The following SCLT1 variants were observed in gnomAD, a reference collection of about 807,000 sequenced individuals.
The protein encoded by SCLT1 is sodium channel and clathrin linker 1.
Under a neutral mutation model 112.8 loss-of-function variants are expected in SCLT1, and 78 were observed. That is an observed-to-expected ratio of 0.69 (90% CI 0.58 to 0.83). The LOEUF is 0.83. Among genes scored for constraint, SCLT1 ranks in the 40% least tolerant of loss-of-function variants. The probability of loss-of-function intolerance (pLI) is 0.00; values close to 1 mark genes in which losing one functional copy is unlikely to be tolerated. For missense variants in SCLT1, 747 were observed against 770.4 expected (o/e 0.97, Z 0.36); for synonymous variants, 257 against 254.7 (o/e 1.01, Z -0.09).
chr4:128,918,711 C>T lies in SCLT1; in HGVS notation c.1829+17944G>A, dbSNP rs537317774. On this transcript the variant is annotated intron_variant, in intron 18 of 20. Transcript: ENST00000281142. Reference sequence around the variant, plus strand: ...AACCCATCTCACATGCAAACATACCCGTAGGCTCAAAATAAAGGAAAAGAG... The same window carrying T: ...AACCCATCTCACATGCAAACATACCTGTAGGCTCAAAATAAAGGAAAAGAG... Among the ~76,000 whole-genome samples, 20 of 152,042 alleles carry T rather than the reference C, an allele frequency of 1.3e-4. 2 individuals are homozygous for T. The highest frequency in any genetic ancestry group is 4.6e-4 in the Admixed American group (7 of 15,248).
At chr4:128,896,614 T>C (rs1028485912) in intron 18 of SCLT1, among the ~76,000 whole-genome samples, 15 of 152,078 alleles carry the variant, frequency 9.9e-5, no homozygotes, top group African/African-American at 3.6e-4. Context: ...AAAATCAGAG[T>C]GCCTCTTCTC....
At chr4:128,903,346 AC>A (rs1217181497) in intron 18 of SCLT1, among the ~76,000 whole-genome samples, 6 of 152,070 alleles carry the variant, frequency 3.9e-5, no homozygotes, top group African/African-American at 1.4e-4. Flanking sequence ...TTATCAGAAC[AC>A]TATTATATAT....
At chr4:129,026,190 C>A (rs1299338144) in intron 5 of SCLT1, among the ~76,000 whole-genome samples, 5 of 151,818 alleles carry the variant, frequency 3.3e-5, no homozygotes, top group Middle Eastern at 3.4e-3. Context: ...CAGCTCTGCA[C>A]CAAGCAGACC....
At chr4:128,981,881 A>G (rs1333469378) in intron 9 of SCLT1, among the ~76,000 whole-genome samples, 1 of 152,210 alleles carries the variant, frequency 6.6e-6, no homozygotes, top group Non-Finnish European at 1.5e-5. Context: ...TTTGGATTAT[A>G]TCCTATAGGC....
intron 18 of SCLT1, among the ~76,000 whole-genome samples, chr4:128,901,536 G>T (rs1009553779): frequency 1.4e-4 from 21 of 151,740 alleles, no homozygotes; most frequent in Admixed American, 4.6e-4. Context: ...TGGTGGGGGG[G>T]GGGAGGGATA....
intron 5 of SCLT1, among the ~76,000 whole-genome samples, chr4:129,030,963 A>T (rs937885332): frequency 2.0e-5 from 3 of 152,112 alleles, no homozygotes; most frequent in African/African-American, 7.2e-5. Flanking sequence ...ACTCCTCCCT[A>T]ACTCATTTTA....
intron 5 of SCLT1, among the ~76,000 whole-genome samples, chr4:129,006,732 A>C (rs541853728): frequency 4.6e-5 from 7 of 152,050 alleles, no homozygotes; most frequent in Non-Finnish European, 8.8e-5. Flanking sequence ...ATAGATGTCC[A>C]ATCTTGCGTT....
At chr4:129,056,976 T>C (rs1333293955) in intron 2 of SCLT1, among the ~76,000 whole-genome samples, 1 of 152,236 alleles carries the variant, frequency 6.6e-6, no homozygotes, top group Admixed American at 6.5e-5. Flanking sequence ...GTTTGTCATA[T>C]ATGGTCTTAA....
At position 129,027,115 on chromosome 4, in the gene SCLT1, C is replaced by A. The variant is rs1682081930; in HGVS notation, c.290+11926G>T. ...AGATGGATTCACAGCCGAATTCTAC[C>A]AGAGGTACAAGGAGGAACTGGTACC... is the stretch of plus-strand genomic sequence containing the variant. On this transcript the variant is annotated intron_variant, in intron 5 of 20. Coordinates refer to ENST00000281142, the MANE Select transcript of SCLT1 (RefSeq NM_144643.4). Among the ~76,000 whole-genome samples the A allele has an allele frequency of 2.6e-5, 4 of 152,230 alleles. No individual in the cohort carries two copies. In the South Asian group the frequency reaches 8.3e-4, roughly 32 times the overall value.
At chr4:128,901,832 C>T (rs1222356194) in intron 18 of SCLT1, among the ~76,000 whole-genome samples, 1 of 152,016 alleles carries the variant, frequency 6.6e-6, no homozygotes, top group East Asian at 1.9e-4. Context: ...TATTATAATG[C>T]TAGTATTTTA....
At chr4:128,970,541 GA>G in intron 9 of SCLT1, 73 bp from the exon 10 acceptor site, 1 of 842,008 alleles carries the variant, frequency 1.2e-6, no homozygotes, top group Non-Finnish European at 2.0e-6. Context: ...ATAGAAATCT[GA>G]ATTTGGTAAA....
At chr4:128,981,268 G>T (rs1034958240) in intron 9 of SCLT1, among the ~76,000 whole-genome samples, 2 of 152,114 alleles carry the variant, frequency 1.3e-5, no homozygotes, top group African/African-American at 2.4e-5. Flanking sequence ...ACTAGCCTTG[G>T]GAAGGAATTT....
intron 4 of SCLT1, among the ~76,000 whole-genome samples, chr4:129,043,028 G>A (rs970031877): frequency 2.0e-5 from 3 of 151,922 alleles, no homozygotes; most frequent in Admixed American, 6.6e-5. Context: ...AGCCGAGATC[G>A]CGCCACTGCA....
intron 18 of SCLT1, 90 bp from the exon 19 acceptor site, chr4:128,891,227 CA>C: frequency 1.1e-6 from 1 of 923,266 alleles, no homozygotes; most frequent in Non-Finnish European, 1.7e-6. Flanking sequence ...ATGATTTGAA[CA>C]AAAATATCAT....
At chr4:128,938,015 T>C (rs1737360135) in intron 17 of SCLT1, among the ~76,000 whole-genome samples, 1 of 152,206 alleles carries the variant, frequency 6.6e-6, no homozygotes, top group Non-Finnish European at 1.5e-5. Flanking sequence ...AAAACACTTG[T>C]GGAAAAAGGC....
At chr4:129,059,422 C>T (rs535734791) in intron 2 of SCLT1, among the ~76,000 whole-genome samples, 1 of 152,112 alleles carries the variant, frequency 6.6e-6, no homozygotes, top group East Asian at 1.9e-4. Flanking sequence ...ATGCTTTTTC[C>T]ATTTCTCCTT....
chr4:128,924,036 T>G (rs1356179731), intron 18 of SCLT1, among the ~76,000 whole-genome samples: 1 of 151,974 alleles, frequency 6.6e-6, no homozygotes, highest in Non-Finnish European at 1.5e-5. Flanking sequence ...TTGGTCTATG[T>G]GTGGATGTGT....
intron 18 of SCLT1, among the ~76,000 whole-genome samples, chr4:128,926,941 G>T (rs947699743): frequency 8.6e-5 from 13 of 151,328 alleles, no homozygotes; most frequent in Admixed American, 2.0e-4. Context: ...GTTACCAAAA[G>T]AACATGAGTA....
At chr4:128,926,326 T>C (rs930601927) in intron 18 of SCLT1, among the ~76,000 whole-genome samples, 19 of 152,102 alleles carry the variant, frequency 1.2e-4, no homozygotes, top group Non-Finnish European at 2.4e-4. Context: ...AACAAGGATG[T>C]TCCACTCTGG....
Sources: allele counts gnomAD v4.1 joint callset (sites outside exome capture counted in the v4.1 genomes callset), GRCh38; gene constraint gnomAD v4.1.1; transcripts MANE v1.5; gene names NCBI Gene and HGNC (gene_info 2026-07-23, HGNC 2026-07-21).